Variants in ZNF346 observed in about 807,000 individuals in gnomAD.
The protein encoded by ZNF346 is double-stranded RNA-binding zinc finger protein JAZ.
In ZNF346, 23 loss-of-function variants were observed where a neutral mutation model predicts 33.7. That is an observed-to-expected ratio of 0.68 (90% confidence interval 0.49 to 0.97). The LOEUF (loss-of-function observed/expected upper bound fraction) is 0.97. Ranked by LOEUF, ZNF346 falls within the 50% of genes least tolerant of loss-of-function variation. ZNF346 has a pLI of 0.00. For missense variants in ZNF346, 340 were observed against 371.1 expected (o/e 0.92, Z 0.69); for synonymous variants, 134 against 142.4 (o/e 0.94, Z 0.42).
chr5:177,036,032 G>A (rs904776714), intron 1 of ZNF346, among the ~76,000 whole-genome samples: 8 of 151,926 alleles, frequency 5.3e-5, no homozygotes, highest in Non-Finnish European at 4.4e-5. Flanking sequence ...TGTGGGCCAG[G>A]AATTTGGGAA....
chr5:177,047,795 C>T (rs192796165), intron 4 of ZNF346, among the ~76,000 whole-genome samples: 1 of 152,268 alleles, frequency 6.6e-6, no homozygotes, highest in Admixed American at 6.5e-5. Context: ...CATGAGCCAC[C>T]GTGCCCTGCC....
chr5:177,046,215 C>T (rs1408251789), intron 4 of ZNF346, among the ~76,000 whole-genome samples: 1 of 150,756 alleles, frequency 6.6e-6, no homozygotes, highest in Non-Finnish European at 1.5e-5. Context: ...GCAAGAGAAT[C>T]GCTTGAACCC....
chr5:177,041,193 G>A lies in ZNF346; in HGVS notation c.243G>A (p.Leu81=). The part of the protein sequence containing the change: ...TNTQCKVCCA[L]LISESQKLAH... ...CCCAGTGTAAGGTTTGCTGCGCCTT[G>A]CTTATTTCTGAGTCCCAGAAGCTGG... Residue 81 remains leucine, a synonymous_variant, in exon 2 of 7, where the codon TTG becomes TTA. Coordinates refer to ENST00000358149, the MANE Select transcript of ZNF346 (RefSeq NM_012279.4). 6.2e-7 allele frequency: 1 copy of A among 1,614,194 alleles called. No homozygotes were observed. Among genetic ancestry groups the A allele is most frequent in the Non-Finnish European group, 8.5e-7 (1 of 1,180,030 alleles).
intron 4 of ZNF346, among the ~76,000 whole-genome samples, chr5:177,046,300 CAAAA>C (rs34466141): frequency 4.9e-5 from 5 of 102,118 alleles, no homozygotes; most frequent in Non-Finnish European, 4.1e-5. Context: ...GACCTCGTCT[CAAAA>C]AAAAAAAAAA....
At chr5:177,042,153 A>G in intron 3 of ZNF346, 1 of 266,680 alleles carries the variant, frequency 3.7e-6, no homozygotes, top group Non-Finnish European at 7.1e-6. Flanking sequence ...TGGAGCTGGT[A>G]TTACATATTA....
At chr5:177,026,282 C>T (rs1010502255) in intron 1 of ZNF346, among the ~76,000 whole-genome samples, 4 of 151,500 alleles carry the variant, frequency 2.6e-5, no homozygotes, top group East Asian at 3.9e-4. Flanking sequence ...TGGCATTACA[C>T]GCGTGAGCTA....
intron 3 of ZNF346, among the ~76,000 whole-genome samples, chr5:177,042,457 CTG>C (rs1038873190): frequency 5.3e-5 from 8 of 152,194 alleles, no homozygotes; most frequent in African/African-American, 1.7e-4. Context: ...GTGTGTCTTA[CTG>C]ATCGGGTGAG....
Position 177,044,290 on chromosome 5 carries a change from G to T in ZNF346, c.373-99G>T, listed in dbSNP as rs985472044. 235 of 1,388,056 alleles carry T rather than the reference G, an allele frequency of 1.7e-4. 2 individuals are homozygous for T. Among genetic ancestry groups the T allele is most frequent in the Middle Eastern group, 9.6e-4 (4 of 4,178 alleles). The allele number at this position is 1,388,056 out of a possible 1,614,324, so 86.0% of individuals were successfully genotyped here. The stretch of plus-strand genomic sequence containing the variant: ...TAGGTTGGGGTTAATGTGTGAGGGG[G>T]GCCATAAATGCCTGTTCTGTTATGG... On this transcript the variant is annotated intron_variant, in intron 3 of 6. Coordinates refer to ENST00000358149, the MANE Select transcript of ZNF346 (RefSeq NM_012279.4).
chr5:177,041,262 T>C (rs1163114707), intron 2 of ZNF346, 33 bp downstream of exon 2: 20 of 1,551,768 alleles, frequency 1.3e-5, no homozygotes, highest in Non-Finnish European at 1.8e-5. Context: ...CTGCGTTTCT[T>C]TTCAGACCTG....
chr5:177,058,757 T>A (rs532522581), intron 5 of ZNF346, among the ~76,000 whole-genome samples: 5 of 152,284 alleles, frequency 3.3e-5, no homozygotes, highest in African/African-American at 1.2e-4. Context: ...TCAGCATACT[T>A]GGCAGGAGGC....
At chr5:177,029,276 G>A (rs900371500) in intron 1 of ZNF346, among the ~76,000 whole-genome samples, 2 of 152,180 alleles carry the variant, frequency 1.3e-5, no homozygotes, top group Non-Finnish European at 2.9e-5. Flanking sequence ...CAGTTTAGGG[G>A]CTTCCAGGAA....
At chr5:177,031,612 A>G (rs1777710726) in intron 1 of ZNF346, among the ~76,000 whole-genome samples, 1 of 151,796 alleles carries the variant, frequency 6.6e-6, no homozygotes. Context: ...GTTCCTTGAG[A>G]TTTTGGAATG....
At chr5:177,028,061 TTTTTTTTTTTTG>T (rs1777073163) in intron 1 of ZNF346, among the ~76,000 whole-genome samples, 1 of 129,362 alleles carries the variant, frequency 7.7e-6, no homozygotes, top group African/African-American at 3.0e-5. Context: ...TTTTTTTTTT[TTTTTTTTTTTTG>T]AGACGGGGTC....
chr5:177,050,332 C>T (rs1008736956), intron 4 of ZNF346, among the ~76,000 whole-genome samples: 8 of 152,336 alleles, frequency 5.3e-5, no homozygotes, highest in Admixed American at 3.9e-4. Flanking sequence ...TCCCAAACTT[C>T]GTGTCCCACT....
At chr5:177,052,674 A>G (rs1781119180) in intron 5 of ZNF346, 1 of 152,196 alleles carries the variant, frequency 6.6e-6, no homozygotes, top group Non-Finnish European at 1.5e-5. Context: ...CCCCTACATT[A>G]AAGTTTTGCC....
downstream of ZNF346, among the ~76,000 whole-genome samples, chr5:177,069,033 C>T (rs1365744476): frequency 7.0e-6 from 1 of 143,290 alleles, no homozygotes; most frequent in African/African-American, 3.0e-5. Context: ...CAGAAGCAAC[C>T]ACTATTTTGA....
chr5:177,057,251 A>C (rs778967213), intron 5 of ZNF346, among the ~76,000 whole-genome samples: 2 of 152,116 alleles, frequency 1.3e-5, no homozygotes, highest in South Asian at 4.1e-4. Flanking sequence ...CTGAGATCGC[A>C]CTATTGCACT....
At chr5:177,057,115 G>A (rs574790295) in intron 5 of ZNF346, among the ~76,000 whole-genome samples, 6 of 148,258 alleles carry the variant, frequency 4.0e-5, no homozygotes, top group Admixed American at 2.7e-4. Context: ...GTTTGAGACC[G>A]GCCTGGCCAA....
intron 5 of ZNF346, among the ~76,000 whole-genome samples, chr5:177,053,866 G>T (rs1170340242): frequency 1.3e-5 from 2 of 152,104 alleles, no homozygotes; most frequent in African/African-American, 4.8e-5. Context: ...TATCTGAAAT[G>T]GTGGATAATA....
Sources: gnomAD v4.1 joint callset for allele counts (sites outside exome capture counted in the v4.1 genomes callset) on GRCh38, gnomAD v4.1.1 for gene constraint, MANE v1.5 for transcripts, NCBI Gene and HGNC (gene_info 2026-07-23, HGNC 2026-07-21) for gene names.